The following ANO6 variants were observed in gnomAD, a reference collection of about 807,000 sequenced individuals.
The protein encoded by ANO6 is anoctamin 6.
ANO6 carries 106 observed loss-of-function variants against 117.5 expected under a neutral mutation model. That is an observed-to-expected ratio of 0.90 (90% CI 0.77 to 1.06). ANO6 has a LOEUF of 1.06. ANO6 is among the 50% of genes least tolerant of loss of function. The pLI is 0.00. For missense variants in ANO6, 955 were observed against 1,121.1 expected, an observed-to-expected ratio of 0.85 and a Z score of 2.12; for synonymous variants, 367 against 385.1, an observed-to-expected ratio of 0.95 and a Z score of 0.55.
At chr12:45,276,316 G>C (rs1475664257) in intron 1 of ANO6, among the ~76,000 whole-genome samples, 1 of 152,134 alleles carries the variant, frequency 6.6e-6, no homozygotes, top group Non-Finnish European at 1.5e-5. Context: ...TCCTGCCACA[G>C]AAGTATGCTC....
At chr12:45,435,885 A>T (rs939389747), downstream of ANO6, among the ~76,000 whole-genome samples, 1 of 152,208 alleles carries the variant, frequency 6.6e-6, no homozygotes, top group Non-Finnish European at 1.5e-5. Flanking sequence ...TTAGCAAGTT[A>T]AGAAACTGAA....
chr12:45,218,390 C>CTTTTTTTTTTTT (rs76855973), intron 1 of ANO6, among the ~76,000 whole-genome samples: 3 of 110,132 alleles, frequency 2.7e-5, no homozygotes, highest in African/African-American at 7.7e-5. Context: ...CTTTCTTTCT[C>CTTTTTTTTTTTT]TTTTTTTTTT....
intron 2 of ANO6, among the ~76,000 whole-genome samples, chr12:45,318,428 A>G (rs1940129524): frequency 6.6e-6 from 1 of 152,088 alleles, no homozygotes; most frequent in South Asian, 2.1e-4. Flanking sequence ...AAGATCAAAT[A>G]GTTGTAGATG....
At chr12:45,253,230 G>GA in intron 1 of ANO6, among the ~76,000 whole-genome samples, 1 of 152,172 alleles carries the variant, frequency 6.6e-6, no homozygotes, top group Non-Finnish European at 1.5e-5. Context: ...GTCACTGGAA[G>GA]AAAATGAGAA....
intron 1 of ANO6, among the ~76,000 whole-genome samples, chr12:45,278,372 C>G (rs188631937): frequency 1.8e-4 from 27 of 152,324 alleles, no homozygotes; most frequent in Non-Finnish European, 3.2e-4. Context: ...TTGACAGTTA[C>G]TTGCCTTCCA....
intron 9 of ANO6, among the ~76,000 whole-genome samples, chr12:45,377,403 A>G (rs1427327245): frequency 6.6e-6 from 1 of 152,198 alleles, no homozygotes; most frequent in Non-Finnish European, 1.5e-5. Flanking sequence ...ATTTGGCCAG[A>G]TACGTTATTT....
chr12:45,241,530 G>A (rs555433940), intron 1 of ANO6, among the ~76,000 whole-genome samples: 1 of 152,212 alleles, frequency 6.6e-6, no homozygotes, highest in East Asian at 1.9e-4. Context: ...TGTTATTACC[G>A]ACATTCTGAA....
intron 17 of ANO6, among the ~76,000 whole-genome samples, chr12:45,417,318 C>G (rs1943240199): frequency 6.6e-6 from 1 of 152,148 alleles, no homozygotes; most frequent in South Asian, 2.1e-4. Context: ...ACTACATATT[C>G]CAAAGCATCA....
intron 1 of ANO6, among the ~76,000 whole-genome samples, chr12:45,239,710 T>C (rs187938402): frequency 2.7e-3 from 408 of 152,302 alleles, no homozygotes; most frequent in African/African-American, 9.0e-3. Context: ...CTCTGCACAC[T>C]GCTTTAAATG....
At chr12:45,316,068 A>G (rs1940014372) in intron 2 of ANO6, among the ~76,000 whole-genome samples, 1 of 152,058 alleles carries the variant, frequency 6.6e-6, no homozygotes, top group Non-Finnish European at 1.5e-5. Flanking sequence ...TTCTTCTGTG[A>G]GGTGTAATGG....
intron 1 of ANO6, among the ~76,000 whole-genome samples, chr12:45,280,724 C>G (rs1178266791): frequency 6.6e-6 from 1 of 152,104 alleles, no homozygotes. Context: ...CTATTCCACA[C>G]CCTCTTGGCC....
intron 1 of ANO6, among the ~76,000 whole-genome samples, chr12:45,301,616 CAAAAAA>C (rs1225757195): frequency 1.3e-5 from 1 of 75,878 alleles, no homozygotes; most frequent in Non-Finnish European, 2.8e-5. Flanking sequence ...GACCTTGTCT[CAAAAAA>C]AAAAAAAAAA....
chr12:45,280,312 A>G (rs866773995), intron 1 of ANO6, among the ~76,000 whole-genome samples: 2 of 152,214 alleles, frequency 1.3e-5, no homozygotes, highest in East Asian at 1.9e-4. Flanking sequence ...GAGTTTGATC[A>G]GTAACCCAGT....
intron 1 of ANO6, among the ~76,000 whole-genome samples, chr12:45,294,129 A>G (rs1231059688): frequency 6.6e-6 from 1 of 152,142 alleles, no homozygotes; most frequent in African/African-American, 2.4e-5. Flanking sequence ...TAAGAAGGAT[A>G]TAATTTAGTG....
At chr12:45,232,790 A>G (rs1393199258) in intron 1 of ANO6, among the ~76,000 whole-genome samples, 1 of 152,138 alleles carries the variant, frequency 6.6e-6, no homozygotes, top group African/African-American at 2.4e-5. Flanking sequence ...CTGGGTTGGA[A>G]GGCAACAAAA....
intron 1 of ANO6, among the ~76,000 whole-genome samples, chr12:45,297,892 G>T (rs752548834): frequency 6.6e-6 from 1 of 152,082 alleles, no homozygotes; most frequent in Non-Finnish European, 1.5e-5. Flanking sequence ...GTCTAGTGTG[G>T]CACTTAGAAA....
chr12:45,246,949 T>G (rs1350229889), intron 1 of ANO6, among the ~76,000 whole-genome samples: 1 of 151,932 alleles, frequency 6.6e-6, no homozygotes, highest in Non-Finnish European at 1.5e-5. Flanking sequence ...TATTTTTTTT[T>G]GAGACAGAGT....
At chr12:45,281,666 T>C (rs894722451) in intron 1 of ANO6, among the ~76,000 whole-genome samples, 8 of 152,174 alleles carry the variant, frequency 5.3e-5, no homozygotes, top group Non-Finnish European at 1.0e-4. Flanking sequence ...TACCTCCCAC[T>C]AGATGCTGCA....
At chr12:45,292,853 G>T in intron 1 of ANO6, 1 of 1,547,550 alleles carries the variant, frequency 6.5e-7, no homozygotes, top group Non-Finnish European at 8.7e-7. Context: ...TTAAGGTAGA[G>T]GTAGGAGGGT....
Sources: allele counts gnomAD v4.1 joint callset (sites outside exome capture counted in the v4.1 genomes callset), GRCh38; gene constraint gnomAD v4.1.1; transcripts MANE v1.5; gene names NCBI Gene and HGNC (gene_info 2026-07-23, HGNC 2026-07-21).